FOCAD: variants seen among roughly 807,000 people sequenced by gnomAD.
FOCAD encodes the protein focadhesin, also known as KIAA1797.
Under a neutral mutation model 225.6 loss-of-function variants are expected in FOCAD, and 198 were observed. That is an observed-to-expected ratio of 0.88 (90% CI 0.78 to 0.99). The LOEUF is 0.99. Ranked by LOEUF, FOCAD falls within the 50% of genes least tolerant of loss-of-function variation. The probability of loss-of-function intolerance (pLI) is 0.00; values close to 1 mark genes in which losing one functional copy is unlikely to be tolerated. For missense variants in FOCAD, 2,713 were observed against 2,123.6 expected, an observed-to-expected ratio of 1.28 and a Z score of -5.46; for synonymous variants, 897 against 755.0, an observed-to-expected ratio of 1.19 and a Z score of -3.08.
At chr9:20,951,196 A>C in intron 34 of FOCAD, 98 bp downstream of exon 34, 2 of 869,760 alleles carry the variant, frequency 2.3e-6, no homozygotes, top group Non-Finnish European at 3.8e-6. Flanking sequence ...CAACAACCCT[A>C]AGTAATGGGT....
intron 1 of FOCAD, among the ~76,000 whole-genome samples, chr9:20,704,652 A>G (rs2131428598): frequency 6.6e-6 from 1 of 152,314 alleles, no homozygotes; most frequent in African/African-American, 2.4e-5. Flanking sequence ...CCTTTTCAAT[A>G]TTACTCTTTT....
rs781255254 is a variant in FOCAD at position 20,933,123 on chromosome 9, A to G, written c.3407+20A>G. On this transcript the variant is annotated intron_variant, in intron 28 of 43. Transcript: ENST00000338382. ...ATACAAGTATGTTGTTCCTATTTCC[A>G]CTCTCACAGGTACTTAGACATTGCT... 1.2e-5 allele frequency: 18 copies of G among 1,558,560 alleles called. No individual in the cohort carries two copies. The highest frequency in any genetic ancestry group is 1.5e-5 in the Non-Finnish European group (17 of 1,130,246).
Position 20,982,419 on chromosome 9 carries a change from T to C in FOCAD, c.4701T>C (p.Asp1567=), listed in dbSNP as rs1840779301. 1.2e-6 allele frequency: 2 copies of C among 1,613,868 alleles called. No individual in the cohort carries two copies. The highest frequency in any genetic ancestry group is 4.5e-5 in the East Asian group (2 of 44,838). The change falls in exon 39 of 44, where the codon GAT becomes GAC. Residue 1567 remains aspartate, a synonymous_variant. Transcript: ENST00000338382. ...GCCTCTTAGAAATGACAGATGATGA[T>C]GCCAATCGGATCGCCCAGGTTACTA... is the stretch of plus-strand genomic sequence containing the variant. ...AKCLLEMTDD[D]ANRIAQVTKS...
At chr9:20,760,966 T>G (rs1354116567) in intron 6 of FOCAD, among the ~76,000 whole-genome samples, 2 of 152,080 alleles carry the variant, frequency 1.3e-5, no homozygotes, top group African/African-American at 4.8e-5. Context: ...TTATGTTCAT[T>G]TTAATATTAT....
In FOCAD at chr9:20,738,465, C is replaced by T. The variant is rs975316546; in HGVS notation, c.288-1771C>T. 3.0e-4 allele frequency among the ~76,000 whole-genome samples: 45 copies of T among 152,182 alleles called. 2 individuals are homozygous for T. The highest frequency in any genetic ancestry group is 5.9e-5 in the Non-Finnish European group (4 of 68,022). On this transcript the variant is annotated intron_variant, in intron 4 of 43. Transcript: ENST00000338382. Reference sequence around the variant, plus strand: ...GATTTGACATCCATTGGAGAACACACACAGGAGAGAGAATCTTTATGGAGA... The same window carrying T: ...GATTTGACATCCATTGGAGAACACATACAGGAGAGAGAATCTTTATGGAGA...
At chr9:20,944,882 C>G (rs1837032285) in intron 29 of FOCAD, 108 bp downstream of exon 29, 1 of 1,191,014 alleles carries the variant, frequency 8.4e-7, no homozygotes, top group African/African-American at 1.5e-5. Context: ...TAAATTCTTC[C>G]TCAAAGAGAA....
At chr9:20,922,276 C>G (rs1405750616) in intron 24 of FOCAD, among the ~76,000 whole-genome samples, 1 of 152,154 alleles carries the variant, frequency 6.6e-6, no homozygotes, top group Non-Finnish European at 1.5e-5. Context: ...TCCTCCAACC[C>G]TCCCCATTAT....
Position 20,821,087 on chromosome 9 carries a change from C to T in FOCAD, c.1793+16C>T. 3.1e-6 allele frequency: 5 copies of T among 1,607,248 alleles called. No individual in the cohort carries two copies. Among genetic ancestry groups the T allele is most frequent in the Non-Finnish European group, 4.2e-6 (5 of 1,176,520 alleles). ...GTAAGCAGAGGTATGATGTCATTAA[C>T]TCTTAGGAATGTATATCATGATATA... On this transcript the variant is annotated intron_variant, in intron 14 of 43. Transcript: ENST00000338382.
At chr9:20,838,601 T>A (rs974823039) in intron 15 of FOCAD, among the ~76,000 whole-genome samples, 1 of 152,164 alleles carries the variant, frequency 6.6e-6, no homozygotes, top group Admixed American at 6.6e-5. Context: ...TTTCCTTCTA[T>A]TCCACTTGTT....
chr9:20,912,773 A>C (rs887573303), intron 22 of FOCAD, 93 bp from the exon 23 acceptor site: 1 of 1,011,402 alleles, frequency 9.9e-7, no homozygotes, highest in South Asian at 1.4e-5. Context: ...CTTAAGGCCA[A>C]ATGGAAAAGG....
intron 6 of FOCAD, among the ~76,000 whole-genome samples, chr9:20,758,942 C>T (rs1017797679): frequency 3.3e-5 from 5 of 152,038 alleles, no homozygotes; most frequent in African/African-American, 1.2e-4. Flanking sequence ...ACTCAATGTA[C>T]AAAAATCACA....
intron 15 of FOCAD, among the ~76,000 whole-genome samples, chr9:20,839,845 G>C (rs1034514332): frequency 1.3e-5 from 2 of 152,000 alleles, no homozygotes; most frequent in African/African-American, 4.8e-5. Flanking sequence ...TATATGCTAA[G>C]AGATAAGGGT....
intron 29 of FOCAD, 55 bp from the exon 30 acceptor site, chr9:20,946,646 A>C: frequency 1.3e-6 from 2 of 1,563,446 alleles, no homozygotes; most frequent in Admixed American, 3.9e-5. Context: ...AACTAAACCG[A>C]GTTCTTTTAT....
intron 28 of FOCAD, among the ~76,000 whole-genome samples, chr9:20,936,917 A>G (rs1337374679): frequency 6.6e-6 from 1 of 152,220 alleles, no homozygotes; most frequent in Non-Finnish European, 1.5e-5. Context: ...AATCACAAAC[A>G]TTTTTATACA....
chr9:20,823,420 A>T (rs10811411), intron 15 of FOCAD, among the ~76,000 whole-genome samples: 30,571 of 152,008 alleles, frequency 0.2, 3,403 homozygotes, highest in Non-Finnish European at 0.25. Context: ...ACTCTAGAAT[A>T]TAGTTGCTTC....
At chr9:20,748,321 A>G (rs1828243431) in intron 5 of FOCAD, among the ~76,000 whole-genome samples, 1 of 152,052 alleles carries the variant, frequency 6.6e-6, no homozygotes, top group African/African-American at 2.4e-5. Context: ...TGGTCTTTAT[A>G]GTTTTTTTGA....
intron 8 of FOCAD, among the ~76,000 whole-genome samples, chr9:20,776,240 A>C (rs969012668): frequency 2.0e-5 from 3 of 152,208 alleles, no homozygotes; most frequent in African/African-American, 7.2e-5. Context: ...GCTTTGGCCT[A>C]TGGGGCTTTA....
intron 28 of FOCAD, among the ~76,000 whole-genome samples, chr9:20,942,555 T>C (rs1470662773): frequency 6.6e-6 from 1 of 152,234 alleles, no homozygotes; most frequent in African/African-American, 2.4e-5. Context: ...TTATAAAATT[T>C]GCCTACTACT....
chr9:20,936,370 G>A (rs900288318), intron 28 of FOCAD, among the ~76,000 whole-genome samples: 3 of 152,202 alleles, frequency 2.0e-5, no homozygotes, highest in South Asian at 2.1e-4. Flanking sequence ...GGTAGTGGTA[G>A]CTGCATGTGT....
Sources: gnomAD v4.1 joint callset for allele counts (sites outside exome capture counted in the v4.1 genomes callset) on GRCh38, gnomAD v4.1.1 for gene constraint, MANE v1.5 for transcripts, NCBI Gene and HGNC (gene_info 2026-07-23, HGNC 2026-07-21) for gene names.